Variants in ITPR1 observed in about 807,000 individuals in gnomAD.
ITPR1 encodes the protein inositol 1,4,5-trisphosphate-gated calcium channel ITPR1.
ITPR1 carries 96 observed loss-of-function variants against 318.4 expected under a neutral mutation model. The ratio of observed to expected loss-of-function variants is 0.30; its 90% CI spans 0.26 to 0.36. The LOEUF (loss-of-function observed/expected upper bound fraction) is 0.36. ITPR1 is among the 10% of genes least tolerant of loss of function. ITPR1 has a pLI of 1.00. For synonymous variants in ITPR1, 1,312 were observed against 1,289.9 expected, an observed-to-expected ratio of 1.02 and a Z score of -0.37; for missense variants, 2,440 against 3,460.2, an observed-to-expected ratio of 0.71 and a Z score of 7.40.
chr3:4,572,681 T>A (rs1270100504), intron 4 of ITPR1, among the ~76,000 whole-genome samples: 3 of 152,200 alleles, frequency 2.0e-5, no homozygotes, highest in Non-Finnish European at 4.4e-5. Context: ...GGGAGACAGA[T>A]CTCCAGAACT....
chr3:4,794,986 G>A, intron 52 of ITPR1, 79 bp from the exon 53 acceptor site: 6 of 1,456,748 alleles, frequency 4.1e-6, no homozygotes, highest in Non-Finnish European at 5.5e-6. Flanking sequence ...GGGCAGAGCT[G>A]GCGGAAGGGC....
Position 4,667,448 on chromosome 3 carries a change from C to G in ITPR1, c.1785C>G (p.Ile595Met). Residue 595 changes from isoleucine (I) to methionine (M), a missense_variant, in exon 18 of 62, where the codon ATC becomes ATG. Physicochemically the swap from Ile to Met is conservative, Grantham distance 10. This residue lies in a region of ITPR1 where 478 missense variants were observed against 696.3 expected (regional missense o/e 0.69). Transcript: ENST00000649015. ...ATGATGTGTTGGCTGAAGACACTAT[C>G]ACTGCCCTGCTCCACAATAATCGGA... ...IGYDVLAEDT[I>M]TALLHNNRKL... The G allele has an allele frequency of 6.2e-7, 1 of 1,613,678 alleles. No individual in the cohort carries two copies. Among genetic ancestry groups the G allele is most frequent in the Non-Finnish European group, 8.5e-7 (1 of 1,179,762 alleles).
intron 4 of ITPR1, among the ~76,000 whole-genome samples, chr3:4,596,848 T>C (rs2090867300): frequency 6.6e-6 from 1 of 152,224 alleles, no homozygotes; most frequent in Non-Finnish European, 1.5e-5. Flanking sequence ...CTGGTTGTAA[T>C]TCACATGGAA....
intron 4 of ITPR1, among the ~76,000 whole-genome samples, chr3:4,550,315 A>G: frequency 6.6e-6 from 1 of 152,206 alleles, no homozygotes. Context: ...CACAGGTGAC[A>G]GCAAATGGGC....
At chr3:4,723,208 A>G (rs2042286119) in intron 40 of ITPR1, among the ~76,000 whole-genome samples, 1 of 152,212 alleles carries the variant, frequency 6.6e-6, no homozygotes, top group Non-Finnish European at 1.5e-5. Context: ...TAGGTCAGGA[A>G]GTGGATGCCC....
At chr3:4,774,491 T>G (rs746779169) in intron 46 of ITPR1, among the ~76,000 whole-genome samples, 1 of 152,172 alleles carries the variant, frequency 6.6e-6, no homozygotes, top group Admixed American at 6.5e-5. Context: ...CATAATTAAT[T>G]TTTGCTTCTT....
intron 44 of ITPR1, among the ~76,000 whole-genome samples, chr3:4,754,487 G>T (rs1327089725): frequency 1.3e-5 from 2 of 152,192 alleles, no homozygotes; most frequent in Non-Finnish European, 2.9e-5. Context: ...CAGGACCTGA[G>T]AGTTTCACAA....
At chr3:4,553,880 C>T (rs1363138130) in intron 4 of ITPR1, among the ~76,000 whole-genome samples, 3 of 152,028 alleles carry the variant, frequency 2.0e-5, no homozygotes, top group African/African-American at 2.4e-5. Context: ...GGGTTACGGG[C>T]GTGAGCCACC....
At chr3:4,817,836 G>A (rs191403771) in intron 59 of ITPR1, among the ~76,000 whole-genome samples, 169 of 152,362 alleles carry the variant, frequency 1.1e-3, no homozygotes, top group African/African-American at 3.8e-3. Context: ...ACTAAGGCAT[G>A]TGGAGATGAA....
chr3:4,623,655 C>G (rs975005242), intron 4 of ITPR1, among the ~76,000 whole-genome samples: 2 of 152,164 alleles, frequency 1.3e-5, no homozygotes, highest in African/African-American at 4.8e-5. Flanking sequence ...GCTGTGCCAT[C>G]CAAATAGCAA....
intron 4 of ITPR1, among the ~76,000 whole-genome samples, chr3:4,540,793 C>G (rs1431357714): frequency 1.3e-5 from 2 of 152,142 alleles, no homozygotes; most frequent in African/African-American, 4.8e-5. Flanking sequence ...CCAGTCTGGT[C>G]TTGAACTCCT....
intron 12 of ITPR1, 64 bp downstream of exon 12, chr3:4,653,950 C>A: frequency 8.5e-7 from 1 of 1,180,056 alleles, no homozygotes. Flanking sequence ...ATCTGGAGCT[C>A]CATTTAAGAA....
chr3:4,630,486 A>G (rs1049574685), intron 5 of ITPR1, among the ~76,000 whole-genome samples: 2 of 151,834 alleles, frequency 1.3e-5, no homozygotes, highest in Non-Finnish European at 1.5e-5. Context: ...TCAAATGCCC[A>G]TAATCTATTC....
chr3:4,746,682 G>A (rs2044132178), intron 44 of ITPR1, among the ~76,000 whole-genome samples: 1 of 152,256 alleles, frequency 6.6e-6, no homozygotes, highest in East Asian at 1.9e-4. Context: ...CGTGCTGGAT[G>A]AAAGGTCCTC....
intron 42 of ITPR1, among the ~76,000 whole-genome samples, chr3:4,731,803 T>C (rs2042947214): frequency 6.6e-6 from 1 of 152,138 alleles, no homozygotes. Context: ...CTCCCTCCCA[T>C]CTTGTTTTGC....
intron 2 of ITPR1, among the ~76,000 whole-genome samples, chr3:4,500,350 C>A (rs568624326): frequency 7.0e-6 from 1 of 142,762 alleles, no homozygotes; most frequent in Non-Finnish European, 1.5e-5. Context: ...TGGGCATTCA[C>A]CACCACACCT....
intron 1 of ITPR1, 41 bp from the exon 2 acceptor site, chr3:4,494,390 C>T (rs2080390661): frequency 1.3e-5 from 2 of 152,246 alleles, no homozygotes; most frequent in Admixed American, 1.3e-4. Flanking sequence ...GCTCATCTTC[C>T]GCGGTCTGGT....
chr3:4,640,605 G>A (rs1261941264), intron 6 of ITPR1, among the ~76,000 whole-genome samples: 2 of 152,186 alleles, frequency 1.3e-5, no homozygotes, highest in Non-Finnish European at 2.9e-5. Flanking sequence ...AAGGTGCAGA[G>A]GCTAAGGACA....
At chr3:4,688,851 A>T (rs538512644) in intron 31 of ITPR1, among the ~76,000 whole-genome samples, 6 of 152,224 alleles carry the variant, frequency 3.9e-5, no homozygotes, top group African/African-American at 1.4e-4. Flanking sequence ...TGGATAAAGT[A>T]AGATACGTGT....
Sources: gnomAD v4.1 joint callset for allele counts (sites outside exome capture counted in the v4.1 genomes callset) on GRCh38, gnomAD v4.1.1 for gene constraint, gnomAD v4.1.1 regional missense constraint, MANE v1.5 for transcripts, NCBI Gene and HGNC (gene_info 2026-07-23, HGNC 2026-07-21) for gene names.